Variants in MKLN1 observed in about 807,000 individuals in gnomAD.
MKLN1 encodes the protein muskelin 1.
A neutral mutation model predicts 99.0 loss-of-function variants in MKLN1; 18 were observed. The ratio of observed to expected loss-of-function variants is 0.18; its 90% CI spans 0.13 to 0.27. The LOEUF (loss-of-function observed/expected upper bound fraction) is 0.27, where lower values mean the gene tolerates loss of function less well. MKLN1 is among the 10% of genes least tolerant of loss of function. MKLN1 has a pLI of 1.00. For missense variants in MKLN1, 621 were observed against 875.9 expected (o/e 0.71, Z 3.67); for synonymous variants, 288 against 293.2 (o/e 0.98, Z 0.18).
At chr7:131,252,871 A>G (rs1214584361) in intron 3 of MKLN1, among the ~76,000 whole-genome samples, 2 of 152,154 alleles carry the variant, frequency 1.3e-5, no homozygotes, top group African/African-American at 4.8e-5. Flanking sequence ...TAATCTATTA[A>G]CACATTTATG....
At chr7:131,143,563 T>C (rs554548345) in intron 2 of MKLN1, among the ~76,000 whole-genome samples, 5 of 152,358 alleles carry the variant, frequency 3.3e-5, no homozygotes, top group Admixed American at 3.3e-4. Context: ...CAGTAGCTCA[T>C]GCGTGTAATC....
At chr7:131,132,763 C>A (rs536817560) in intron 1 of MKLN1, among the ~76,000 whole-genome samples, 33 of 151,522 alleles carry the variant, frequency 2.2e-4, no homozygotes, top group African/African-American at 7.3e-4. Flanking sequence ...CCCATCTCTA[C>A]CAAAAATACA....
intron 7 of MKLN1, 122 bp downstream of exon 7, chr7:131,411,505 T>C (rs1402441816): frequency 2.9e-6 from 2 of 699,560 alleles, no homozygotes; most frequent in Non-Finnish European, 5.1e-6. Flanking sequence ...CCAGTTGCAG[T>C]GGCTCATGTC....
chr7:131,463,257 A>G lies in MKLN1; in HGVS notation c.1566A>G (p.Pro522=). The change falls in exon 13 of 18, where the codon CCA becomes CCG. Residue 522 remains proline (P), a synonymous_variant. Transcript: ENST00000352689. The part of the protein sequence containing the change: ...TGFTQRATID[P]ELNEIHVLSG... ...TTACACAGAGAGCAACTATTGATCC[A>G]GAACTGAATGAAATACACGTCTTAT... The G allele has an allele frequency of 6.2e-7, 1 of 1,612,454 alleles. No individual in the cohort carries two copies. The highest frequency in any genetic ancestry group is 8.5e-7 in the Non-Finnish European group (1 of 1,179,188).
chr7:131,478,797 G>C, intron 17 of MKLN1, 120 bp downstream of exon 17: 1 of 1,210,296 alleles, frequency 8.3e-7, no homozygotes, highest in East Asian at 2.3e-5. Context: ...AGCAAATGAA[G>C]TTTCAAGGTA....
chr7:131,401,657 G>A (rs915254734), intron 6 of MKLN1, among the ~76,000 whole-genome samples: 2 of 151,946 alleles, frequency 1.3e-5, no homozygotes, highest in African/African-American at 4.8e-5. Context: ...GTTAATTATA[G>A]GCATATCTTG....
At chr7:131,365,416 A>G (rs1320174651) in intron 1 of MKLN1, among the ~76,000 whole-genome samples, 2 of 152,136 alleles carry the variant, frequency 1.3e-5, no homozygotes, top group African/African-American at 4.8e-5. Flanking sequence ...CTCTGTTGAT[A>G]GTTTCTTTTG....
chr7:131,180,605 A>C (rs1796364676), intron 2 of MKLN1, among the ~76,000 whole-genome samples: 1 of 151,900 alleles, frequency 6.6e-6, no homozygotes, highest in South Asian at 2.1e-4. Flanking sequence ...AGACCGAGGC[A>C]GGAGAATCAC....
intron 3 of MKLN1, among the ~76,000 whole-genome samples, chr7:131,316,611 C>A (rs994538342): frequency 2.0e-5 from 3 of 152,078 alleles, no homozygotes; most frequent in African/African-American, 7.2e-5. Context: ...ATGAGATTAA[C>A]GAATTGACAG....
intron 3 of MKLN1, among the ~76,000 whole-genome samples, chr7:131,216,861 G>A (rs1230242325): frequency 6.6e-6 from 1 of 152,150 alleles, no homozygotes; most frequent in Non-Finnish European, 1.5e-5. Context: ...TTTTCATCCT[G>A]TGCCTCCTCA....
intron 12 of MKLN1, among the ~76,000 whole-genome samples, chr7:131,450,475 A>G (rs1796145960): frequency 6.6e-6 from 1 of 152,158 alleles, no homozygotes; most frequent in East Asian, 1.9e-4. Flanking sequence ...TAAATCTTTT[A>G]ATGGTTTCTC....
At chr7:131,433,968 C>G (rs944315855) in intron 9 of MKLN1, among the ~76,000 whole-genome samples, 16 of 151,764 alleles carry the variant, frequency 1.1e-4, no homozygotes, top group Non-Finnish European at 1.9e-4. Context: ...ACTGCAACCC[C>G]CTTCTCCCAG....
At chr7:131,161,567 T>G (rs1796048462) in intron 2 of MKLN1, among the ~76,000 whole-genome samples, 1 of 152,188 alleles carries the variant, frequency 6.6e-6, no homozygotes, top group Admixed American at 6.5e-5. Flanking sequence ...TTTTATTTTT[T>G]TTGAGACGGA....
At chr7:131,254,271 C>T (rs1797624907) in intron 3 of MKLN1, among the ~76,000 whole-genome samples, 1 of 152,172 alleles carries the variant, frequency 6.6e-6, no homozygotes, top group Admixed American at 6.5e-5. Context: ...CTAGCCACAT[C>T]ACTAAAGAAA....
intron 3 of MKLN1, among the ~76,000 whole-genome samples, chr7:131,217,622 C>T (rs548566578): frequency 3.9e-5 from 6 of 152,306 alleles, no homozygotes; most frequent in African/African-American, 4.8e-5. Context: ...TGCTTGAACC[C>T]GAGAGGCAGG....
intron 2 of MKLN1, among the ~76,000 whole-genome samples, chr7:131,165,889 C>T (rs1171422689): frequency 1.3e-5 from 2 of 152,118 alleles, no homozygotes; most frequent in Non-Finnish European, 2.9e-5. Context: ...CCAAGGCAGT[C>T]AGATCGCTTG....
intron 3 of MKLN1, among the ~76,000 whole-genome samples, chr7:131,251,093 A>ACGTGTGTG (rs1554542497): frequency 2.1e-5 from 3 of 146,160 alleles, no homozygotes; most frequent in African/African-American, 5.0e-5. Flanking sequence ...TGGGGCCCAG[A>ACGTGTGTG]TGTGTGTGTG....
At chr7:131,210,772 A>AGGGAG (rs1796893009) in intron 3 of MKLN1, among the ~76,000 whole-genome samples, 1 of 72,792 alleles carries the variant, frequency 1.4e-5, no homozygotes, top group Non-Finnish European at 3.0e-5. Flanking sequence ...GGGGGAGGGG[A>AGGGAG]GCATTAAGCA....
intron 1 of MKLN1, among the ~76,000 whole-genome samples, chr7:131,141,081 G>A (rs551112288): frequency 6.8e-4 from 104 of 152,034 alleles, no homozygotes; most frequent in Admixed American, 1.3e-3. Context: ...ACTGTACCTG[G>A]CCTACACCAT....
Sources: allele counts gnomAD v4.1 joint callset (sites outside exome capture counted in the v4.1 genomes callset), GRCh38; gene constraint gnomAD v4.1.1; transcripts MANE v1.5; gene names NCBI Gene and HGNC (gene_info 2026-07-23, HGNC 2026-07-21).